Variants in CADM2 observed in about 807,000 individuals in gnomAD.
CADM2 encodes the protein immunoglobulin superfamily member 4D.
In CADM2, 12 loss-of-function variants were observed where a neutral mutation model predicts 49.8. The observed-to-expected ratio is 0.24, with a 90% CI of 0.15 to 0.39. CADM2 has a LOEUF of 0.39. CADM2 is among the 10% of genes least tolerant of loss of function. The pLI is 1.00. For missense variants in CADM2, 378 were observed against 492.3 expected (o/e 0.77, Z 2.20); for synonymous variants, 214 against 175.4 (o/e 1.22, Z -1.74).
At chr3:86,004,467 T>G (rs1730544231) in intron 8 of CADM2, among the ~76,000 whole-genome samples, 1 of 152,200 alleles carries the variant, frequency 6.6e-6, no homozygotes, top group South Asian at 2.1e-4. Context: ...GTGCCTCAGC[T>G]CACAGTGAGG....
intron 1 of CADM2, among the ~76,000 whole-genome samples, chr3:85,214,581 G>GA (rs2041877512): frequency 6.6e-6 from 1 of 151,980 alleles, no homozygotes; most frequent in African/African-American, 2.4e-5. Flanking sequence ...TGCCACTTGG[G>GA]AGCCAGGGCC....
At chr3:85,348,477 G>A (rs1342611247) in intron 1 of CADM2, among the ~76,000 whole-genome samples, 1 of 152,132 alleles carries the variant, frequency 6.6e-6, no homozygotes, top group African/African-American at 2.4e-5. Flanking sequence ...TTTATCACAA[G>A]AAAATTTATG....
At chr3:85,650,998 C>T (rs1264364757) in intron 1 of CADM2, among the ~76,000 whole-genome samples, 1 of 149,708 alleles carries the variant, frequency 6.7e-6, no homozygotes, top group East Asian at 2.0e-4. Context: ...ATTTTCCGCA[C>T]CCCCAAAAAC....
intron 1 of CADM2, among the ~76,000 whole-genome samples, chr3:85,602,534 A>C (rs2107404287): frequency 6.6e-6 from 1 of 151,848 alleles, no homozygotes; most frequent in Non-Finnish European, 1.5e-5. Flanking sequence ...ATTTTCTGTA[A>C]GATTTTAGGT....
intron 3 of CADM2, among the ~76,000 whole-genome samples, chr3:85,822,390 C>T (rs1035416938): frequency 1.3e-5 from 2 of 152,030 alleles, no homozygotes; most frequent in South Asian, 2.1e-4. Context: ...TCAAGACCAG[C>T]CTGGCCAACA....
At chr3:86,042,310 A>G (rs1736049149) in intron 8 of CADM2, among the ~76,000 whole-genome samples, 1 of 152,164 alleles carries the variant, frequency 6.6e-6, no homozygotes, top group Admixed American at 6.5e-5. Flanking sequence ...TGAAAAGATC[A>G]ACAAAATTGA....
chr3:85,278,831 A>C (rs1224581512), intron 1 of CADM2, among the ~76,000 whole-genome samples: 1 of 151,248 alleles, frequency 6.6e-6, no homozygotes, highest in Non-Finnish European at 1.5e-5. Context: ...AATATAAAAG[A>C]TATACATTTT....
intron 5 of CADM2, among the ~76,000 whole-genome samples, chr3:85,910,710 T>A (rs1054868951): frequency 6.6e-6 from 1 of 152,102 alleles, no homozygotes. Context: ...CTCTTCAGAA[T>A]TGCCTAACAT....
At chr3:85,617,593 G>C (rs1286403172) in intron 1 of CADM2, among the ~76,000 whole-genome samples, 1 of 152,128 alleles carries the variant, frequency 6.6e-6, no homozygotes, top group Non-Finnish European at 1.5e-5. Context: ...ATCATTGGCT[G>C]TTGTTGATCA....
intron 1 of CADM2, among the ~76,000 whole-genome samples, chr3:85,603,240 T>C (rs1017942529): frequency 6.6e-6 from 1 of 151,928 alleles, no homozygotes; most frequent in African/African-American, 2.4e-5. Flanking sequence ...CTGAACCATG[T>C]TGAGACTCTC....
At chr3:85,694,726 A>G (rs1385758640) in intron 1 of CADM2, among the ~76,000 whole-genome samples, 1 of 152,178 alleles carries the variant, frequency 6.6e-6, no homozygotes, top group African/African-American at 2.4e-5. Flanking sequence ...TTTAAAGATT[A>G]GGGGCGTGGA....
At chr3:85,326,872 T>G (rs2044767929) in intron 1 of CADM2, among the ~76,000 whole-genome samples, 1 of 152,124 alleles carries the variant, frequency 6.6e-6, no homozygotes, top group Non-Finnish European at 1.5e-5. Context: ...TTTAGTAGTT[T>G]AAATACAGTT....
chr3:85,619,516 A>G (rs2063906847), intron 1 of CADM2, among the ~76,000 whole-genome samples: 1 of 152,116 alleles, frequency 6.6e-6, no homozygotes, highest in African/African-American at 2.4e-5. Flanking sequence ...AGTTAGATAC[A>G]TCACCTTCCA....
chr3:85,162,475 T>TA, intron 1 of CADM2, among the ~76,000 whole-genome samples: 1 of 152,178 alleles, frequency 6.6e-6, no homozygotes, highest in African/African-American at 2.4e-5. Context: ...CCTTTTAATA[T>TA]AAAAATTCTG....
intron 8 of CADM2, among the ~76,000 whole-genome samples, chr3:85,987,649 A>T (rs984866964): frequency 6.8e-6 from 1 of 146,830 alleles, no homozygotes; most frequent in African/African-American, 2.5e-5. Context: ...ATATGTTTAT[A>T]TTTATATAAT....
intron 1 of CADM2, among the ~76,000 whole-genome samples, chr3:85,590,117 A>G (rs917732520): frequency 1.3e-5 from 2 of 152,012 alleles, no homozygotes; most frequent in Non-Finnish European, 1.5e-5. Flanking sequence ...GATAGTTCAC[A>G]TGTAGAGAAG....
At chr3:85,519,270 G>A (rs540628033) in intron 1 of CADM2, among the ~76,000 whole-genome samples, 166 of 152,128 alleles carry the variant, frequency 1.1e-3, no homozygotes, top group Middle Eastern at 0.01. Context: ...ATATATATTT[G>A]ATAATCCTTT....
At chr3:85,403,853 A>G (rs2035240763) in intron 1 of CADM2, among the ~76,000 whole-genome samples, 1 of 152,142 alleles carries the variant, frequency 6.6e-6, no homozygotes, top group Non-Finnish European at 1.5e-5. Context: ...CTATGTTGGT[A>G]TGACATGTTA....
At chr3:85,396,732 AG>A (rs1358494561) in intron 1 of CADM2, among the ~76,000 whole-genome samples, 3 of 152,106 alleles carry the variant, frequency 2.0e-5, no homozygotes, top group African/African-American at 7.2e-5. Context: ...AAAATATAGT[AG>A]GGCTCATTTA....
Sources: gnomAD v4.1 joint callset for allele counts (sites outside exome capture counted in the v4.1 genomes callset) on GRCh38, gnomAD v4.1.1 for gene constraint, MANE v1.5 for transcripts, NCBI Gene and HGNC (gene_info 2026-07-23, HGNC 2026-07-21) for gene names.